CDC73: variants seen among roughly 807,000 people sequenced by gnomAD.
CDC73 encodes the protein cell division cycle 73.
CDC73 carries 21 observed loss-of-function variants against 83.7 expected under a neutral mutation model. That is an observed-to-expected ratio of 0.25 (90% CI 0.18 to 0.36). CDC73 has a LOEUF of 0.36. Among genes scored for constraint, CDC73 ranks in the 10% least tolerant of loss-of-function variants. CDC73 has a pLI of 1.00. For missense variants in CDC73, 342 were observed against 653.3 expected, an observed-to-expected ratio of 0.52 and a Z score of 5.19; for synonymous variants, 224 against 212.9, an observed-to-expected ratio of 1.05 and a Z score of -0.45.
At chr1:193,180,109 A>T (rs564242127) in intron 10 of CDC73, 1 of 499,834 alleles carries the variant, frequency 2.0e-6, no homozygotes, top group African/African-American at 2.0e-5. Context: ...GTTTTGGGAA[A>T]CCTTTTTTGT....
chr1:193,127,463 GA>G (rs889614097), intron 2 of CDC73, among the ~76,000 whole-genome samples: 48 of 151,982 alleles, frequency 3.2e-4, no homozygotes, highest in African/African-American at 1.2e-3. Context: ...AAAATAAGGG[GA>G]AAAAAATAGC....
chr1:193,204,217 GTATATATATGTATATA>G (rs1677142356), intron 11 of CDC73, among the ~76,000 whole-genome samples: 1 of 12,400 alleles, frequency 8.1e-5, no homozygotes, highest in Non-Finnish European at 1.9e-4. Flanking sequence ...GTATATATAT[GTATATATATGTATATA>G]TACACGTATA....
At chr1:193,146,821 C>T (rs1339366576) in intron 7 of CDC73, among the ~76,000 whole-genome samples, 2 of 152,140 alleles carry the variant, frequency 1.3e-5, no homozygotes, top group African/African-American at 4.8e-5. Flanking sequence ...AGCATTTGTA[C>T]TTGTACTTTC....
chr1:193,195,291 G>A (rs572530666), intron 10 of CDC73, among the ~76,000 whole-genome samples: 2 of 152,028 alleles, frequency 1.3e-5, no homozygotes, highest in South Asian at 2.1e-4. Flanking sequence ...TTCGTTTAGC[G>A]TAATGTTTTC....
chr1:193,132,420 A>G (rs1434381705), intron 3 of CDC73, among the ~76,000 whole-genome samples: 2 of 152,240 alleles, frequency 1.3e-5, no homozygotes, highest in Admixed American at 6.5e-5. Flanking sequence ...AGAACCCAGC[A>G]GTATTAAAGA....
chr1:193,175,690 A>AT (rs1367653809), intron 10 of CDC73, among the ~76,000 whole-genome samples: 2 of 152,216 alleles, frequency 1.3e-5, no homozygotes, highest in African/African-American at 4.8e-5. Flanking sequence ...TAATCTAGAG[A>AT]TTACTTAAAG....
chr1:193,155,149 G>A (rs1036189836), intron 10 of CDC73, among the ~76,000 whole-genome samples: 1 of 152,128 alleles, frequency 6.6e-6, no homozygotes, highest in African/African-American at 2.4e-5. Flanking sequence ...ATATATATAT[G>A]TTGTAGAGAA....
At chr1:193,147,609 C>G (rs1263372325) in intron 7 of CDC73, among the ~76,000 whole-genome samples, 3 of 152,100 alleles carry the variant, frequency 2.0e-5, no homozygotes, top group Non-Finnish European at 2.9e-5. Flanking sequence ...ACCTCGTGAT[C>G]TGCCTGCCTT....
intron 6 of CDC73, chr1:193,140,988 A>G (rs573149357): frequency 3.3e-5 from 5 of 152,230 alleles, no homozygotes; most frequent in Non-Finnish European, 7.3e-5. Context: ...ACTATAAAGT[A>G]CCTTCATACC....
At chr1:193,248,580 T>G (rs1201381830) in intron 15 of CDC73, among the ~76,000 whole-genome samples, 1 of 152,060 alleles carries the variant, frequency 6.6e-6, no homozygotes, top group Non-Finnish European at 1.5e-5. Flanking sequence ...TTTAATTTAA[T>G]AAGATTTACC....
intron 10 of CDC73, among the ~76,000 whole-genome samples, chr1:193,168,560 CTG>C (rs1352891335): frequency 2.0e-5 from 3 of 150,958 alleles, no homozygotes; most frequent in Non-Finnish European, 4.4e-5. Flanking sequence ...GAGTCTCTCT[CTG>C]TCACCCAGAT....
chr1:193,122,051 C>G lies in CDC73; in HGVS notation c.-150C>G. On this transcript the variant is annotated 5_prime_UTR_variant, in exon 1 of 17. Coordinates refer to ENST00000367435, the MANE Select transcript of CDC73 (RefSeq NM_024529.5). ...GGGTGGCTACTGCCCCTGCTGCTGTCGTAGGCGAGGACGGCTGTTAGTGCT... is the reference window on the plus strand; with the variant it reads ...GGGTGGCTACTGCCCCTGCTGCTGTGGTAGGCGAGGACGGCTGTTAGTGCT... 1 of 719,438 alleles carries G rather than the reference C, an allele frequency of 1.4e-6. No individual in the cohort carries two copies. Among genetic ancestry groups the G allele is most frequent in the Admixed American group, 2.2e-5 (1 of 44,672 alleles). 44.6% of individuals were successfully genotyped at this position (719,438 alleles called of 1,614,324 possible).
At position 193,146,589 on chromosome 1, in the gene CDC73, A is replaced by G. The variant is rs1355958439; in HGVS notation, c.730-1278A>G. Reference sequence around the variant, plus strand: ...ATCCGAGCCCACTTTTGCAATAACAACATTAATCCATTCGTAAGGGTGGAG... The same window carrying G: ...ATCCGAGCCCACTTTTGCAATAACAGCATTAATCCATTCGTAAGGGTGGAG... On this transcript the variant is annotated intron_variant, in intron 7 of 16. Transcript: ENST00000367435. 3.9e-5 allele frequency among the ~76,000 whole-genome samples: 6 copies of G among 152,162 alleles called. No individual in the cohort carries two copies. The East Asian group carries it at 9.6e-4, about 24-fold the overall frequency.
intron 1 of CDC73, among the ~76,000 whole-genome samples, chr1:193,123,148 C>T (rs1675495580): frequency 6.6e-6 from 1 of 152,110 alleles, no homozygotes; most frequent in Admixed American, 6.5e-5. Context: ...GCTACAACTT[C>T]CCTACTCATT....
intron 10 of CDC73, among the ~76,000 whole-genome samples, chr1:193,157,852 T>G (rs1417205133): frequency 6.6e-6 from 1 of 152,130 alleles, no homozygotes; most frequent in African/African-American, 2.4e-5. Flanking sequence ...CTTGTGAAGT[T>G]GAGGAGGTTA....
chr1:193,220,043 C>G (rs959024798), intron 13 of CDC73, among the ~76,000 whole-genome samples: 2 of 151,882 alleles, frequency 1.3e-5, no homozygotes, highest in Non-Finnish European at 2.9e-5. Flanking sequence ...TTGAAAATTT[C>G]CTGTTAAAAA....
chr1:193,181,144 A>G (rs763003827), intron 10 of CDC73: 3 of 1,614,022 alleles, frequency 1.9e-6, no homozygotes, highest in Non-Finnish European at 2.5e-6. Context: ...AGGCTCATTA[A>G]TAATATATTT....
At chr1:193,189,079 G>A (rs974635844) in intron 10 of CDC73, among the ~76,000 whole-genome samples, 1 of 151,528 alleles carries the variant, frequency 6.6e-6, no homozygotes, top group East Asian at 1.9e-4. Context: ...TCAGCCTGCC[G>A]AGTACCTGGG....
At chr1:193,153,245 C>G (rs1240797675) in intron 10 of CDC73, among the ~76,000 whole-genome samples, 1 of 152,046 alleles carries the variant, frequency 6.6e-6, no homozygotes, top group Non-Finnish European at 1.5e-5. Context: ...TCTATATATT[C>G]TGACCAAGCC....
Sources: gnomAD v4.1 joint callset for allele counts (sites outside exome capture counted in the v4.1 genomes callset) on GRCh38, gnomAD v4.1.1 for gene constraint, MANE v1.5 for transcripts, NCBI Gene and HGNC (gene_info 2026-07-23, HGNC 2026-07-21) for gene names.